CLMP: variants seen among roughly 807,000 people sequenced by gnomAD.
The protein encoded by CLMP is CXADR-like membrane protein.
CLMP carries 27 observed loss-of-function variants against 45.2 expected under a neutral mutation model. The observed-to-expected ratio is 0.60, with a 90% CI of 0.44 to 0.82. The LOEUF is 0.82. Among genes scored for constraint, CLMP ranks in the 40% least tolerant of loss-of-function variants. The probability of loss-of-function intolerance (pLI) is 0.00; values close to 1 mark genes in which losing one functional copy is unlikely to be tolerated. For missense variants in CLMP, 403 were observed against 448.4 expected (o/e 0.90, Z 0.91); for synonymous variants, 167 against 171.4 (o/e 0.97, Z 0.20).
chr11:123,146,295 G>GTA (rs775306390), intron 1 of CLMP, among the ~76,000 whole-genome samples: 2 of 152,132 alleles, frequency 1.3e-5, no homozygotes, highest in Non-Finnish European at 2.9e-5. Flanking sequence ...CATTTTGGGA[G>GTA]TATATATATA....
chr11:123,161,835 C>G (rs1297514410), intron 1 of CLMP, among the ~76,000 whole-genome samples: 4 of 152,188 alleles, frequency 2.6e-5, no homozygotes, highest in Non-Finnish European at 5.9e-5. Context: ...GACCTAAACT[C>G]CCTTGGGGTG....
intron 1 of CLMP, among the ~76,000 whole-genome samples, chr11:123,179,770 G>A (rs1329366603): frequency 6.6e-6 from 1 of 152,206 alleles, no homozygotes; most frequent in Non-Finnish European, 1.5e-5. Flanking sequence ...AGAGCTTTGG[G>A]CTGGGAGCCA....
At chr11:123,171,547 A>G (rs59225958) in intron 1 of CLMP, among the ~76,000 whole-genome samples, 1,755 of 150,824 alleles carry the variant, frequency 0.012, 39 homozygotes, top group African/African-American at 0.04. Context: ...GGGTTCAAGC[A>G]ATTCCCTTGC....
intron 1 of CLMP, among the ~76,000 whole-genome samples, chr11:123,168,837 T>C (rs182410679): frequency 6.6e-6 from 1 of 152,316 alleles, no homozygotes; most frequent in Admixed American, 6.5e-5. Context: ...TAAAATGTTC[T>C]GGGTCTCATT....
chr11:123,146,111 C>A (rs1350069501), intron 1 of CLMP, among the ~76,000 whole-genome samples: 1 of 152,204 alleles, frequency 6.6e-6, no homozygotes, highest in Non-Finnish European at 1.5e-5. Flanking sequence ...GATCAAGTAA[C>A]TTGCATCTAG....
chr11:123,138,730 T>G (rs1861112633), intron 1 of CLMP, among the ~76,000 whole-genome samples: 1 of 152,038 alleles, frequency 6.6e-6, no homozygotes, highest in Non-Finnish European at 1.5e-5. Flanking sequence ...CTCAGCTCAC[T>G]GCAACCTCTG....
rs553635314 is a variant in CLMP at position 123,186,818 on chromosome 11, G to A, written c.28+8095C>T. The stretch of plus-strand genomic sequence containing the variant: ...GATTACAGGCATGAGCCAGAGCCTG[G>A]CCAGAATCTGTGAGCCTGTTGTGGA... On this transcript the variant is annotated intron_variant, in intron 1 of 6. Transcript: ENST00000448775. 9.2e-5 allele frequency among the ~76,000 whole-genome samples: 14 copies of A among 152,204 alleles called. 2 individuals carry two copies. The South Asian group carries it at 2.7e-3, about 29-fold the overall frequency.
At chr11:123,180,502 C>T (rs1861754657) in intron 1 of CLMP, among the ~76,000 whole-genome samples, 1 of 151,924 alleles carries the variant, frequency 6.6e-6, no homozygotes, top group Admixed American at 6.6e-5. Flanking sequence ...TCCCAACCTC[C>T]AGAACTGTGA....
intron 1 of CLMP, among the ~76,000 whole-genome samples, chr11:123,150,532 G>GGAAGGC (rs766986302): frequency 3.7e-4 from 41 of 111,206 alleles, no homozygotes; most frequent in Non-Finnish European, 5.4e-4. Context: ...AGGAAGGAAA[G>GGAAGGC]AAACAAGCAA....
intron 1 of CLMP, among the ~76,000 whole-genome samples, chr11:123,185,629 G>T (rs1861825109): frequency 6.6e-6 from 1 of 152,196 alleles, no homozygotes; most frequent in Non-Finnish European, 1.5e-5. Flanking sequence ...AGTGGAGTCG[G>T]GTAGAGCTCC....
chr11:123,096,226 T>C (rs1003965445), intron 2 of CLMP, among the ~76,000 whole-genome samples: 2 of 151,984 alleles, frequency 1.3e-5, no homozygotes, highest in Non-Finnish European at 2.9e-5. Flanking sequence ...TGGTGGTGGA[T>C]GCCTGTAATC....
intron 1 of CLMP, among the ~76,000 whole-genome samples, chr11:123,170,741 G>A (rs1364703367): frequency 1.3e-5 from 2 of 152,088 alleles, no homozygotes; most frequent in African/African-American, 2.4e-5. Flanking sequence ...ACGCCCAGCC[G>A]AAGCCTGCTT....
chr11:123,128,795 G>A (rs140191004), intron 1 of CLMP, among the ~76,000 whole-genome samples: 713 of 152,288 alleles, frequency 4.7e-3, no homozygotes, highest in Admixed American at 8.6e-3. Context: ...AGAATTTTAT[G>A]AAACTTTTAT....
intron 1 of CLMP, among the ~76,000 whole-genome samples, chr11:123,193,598 C>A (rs1414548536): frequency 6.6e-6 from 1 of 152,216 alleles, no homozygotes; most frequent in Non-Finnish European, 1.5e-5. Context: ...TCTTTCATTT[C>A]TCTAACTTAA....
At chr11:123,121,138 A>G (rs1351351688) in intron 1 of CLMP, among the ~76,000 whole-genome samples, 1 of 151,732 alleles carries the variant, frequency 6.6e-6, no homozygotes, top group African/African-American at 2.4e-5. Context: ...AAAAAAAAAA[A>G]AAAAAAAAGC....
chr11:123,115,815 A>G (rs1252163934), intron 1 of CLMP, among the ~76,000 whole-genome samples: 1 of 152,128 alleles, frequency 6.6e-6, no homozygotes, highest in Non-Finnish European at 1.5e-5. Context: ...TGCATACCAA[A>G]TTGTCCCAGA....
At chr11:123,082,289 TG>T (rs1378507691) in intron 5 of CLMP, among the ~76,000 whole-genome samples, 1 of 152,256 alleles carries the variant, frequency 6.6e-6, no homozygotes, top group East Asian at 1.9e-4. Context: ...TTCACATGTT[TG>T]TAAATACAGA....
At chr11:123,156,676 A>T (rs1861419769) in intron 1 of CLMP, among the ~76,000 whole-genome samples, 1 of 152,198 alleles carries the variant, frequency 6.6e-6, no homozygotes, top group Non-Finnish European at 1.5e-5. Flanking sequence ...TGTGGTAGGG[A>T]AATGCTTTCT....
chr11:123,138,441 GTATT>G (rs988115211), intron 1 of CLMP, among the ~76,000 whole-genome samples: 3 of 152,098 alleles, frequency 2.0e-5, no homozygotes, highest in Non-Finnish European at 4.4e-5. Flanking sequence ...AGCAACAACA[GTATT>G]TATGGTATGT....
Sources: gnomAD v4.1 joint callset for allele counts (sites outside exome capture counted in the v4.1 genomes callset) on GRCh38, gnomAD v4.1.1 for gene constraint, MANE v1.5 for transcripts, NCBI Gene and HGNC (gene_info 2026-07-23, HGNC 2026-07-21) for gene names.